The following CAMTA1 variants were observed in gnomAD, a reference collection of about 807,000 sequenced individuals.
CAMTA1 encodes calmodulin binding transcription activator 1.
Under a neutral mutation model 170.9 loss-of-function variants are expected in CAMTA1, and 27 were observed. The observed-to-expected ratio is 0.16, with a 90% CI of 0.12 to 0.22. The LOEUF (loss-of-function observed/expected upper bound fraction) is 0.22. Ranked by LOEUF, CAMTA1 falls within the 10% of genes least tolerant of loss-of-function variation. The probability of loss-of-function intolerance (pLI) is 1.00; values close to 1 mark genes in which losing one functional copy is unlikely to be tolerated. For synonymous variants in CAMTA1, 833 were observed against 891.5 expected, an observed-to-expected ratio of 0.93 and a Z score of 1.17; for missense variants, 1,619 against 2,217.2, an observed-to-expected ratio of 0.73 and a Z score of 5.42.
At position 7,665,687 on chromosome 1, in the gene CAMTA1, T is replaced by C. The variant is rs968965662; in HGVS notation, c.2652+488T>C. 3.3e-5 allele frequency among the ~76,000 whole-genome samples: 5 copies of C among 151,230 alleles called. No homozygotes were observed. The highest frequency in any genetic ancestry group is 9.7e-5 in the African/African-American group (4 of 41,214). On this transcript the variant is annotated intron_variant, in intron 9 of 22. Transcript: ENST00000303635. This position sits in a 1 kb window ranked among gnomAD's most constrained non-coding sequence, Gnocchi z 4.3. ...CTGTGGTTGTACCACTGCACTCCAG[T>C]CCGGATGACAGAGTGAAACCCTGTC...
At chr1:7,153,040 A>G (rs1646666566) in intron 4 of CAMTA1, among the ~76,000 whole-genome samples, 1 of 152,238 alleles carries the variant, frequency 6.6e-6, no homozygotes, top group Non-Finnish European at 1.5e-5. Flanking sequence ...CCTCGAGGTC[A>G]TTTCATAGAC....
chr1:7,400,381 T>C (rs1003392359), intron 5 of CAMTA1, among the ~76,000 whole-genome samples: 4 of 152,212 alleles, frequency 2.6e-5, no homozygotes, highest in Non-Finnish European at 5.9e-5. Flanking sequence ...ATGATTTGTT[T>C]TCCTGATTTC....
Position 7,248,306 on chromosome 1 carries a change from C to T in CAMTA1, c.303-1185C>T, listed in dbSNP as rs973705889. ...ACAGATGGCTGACTTATGGTTTCCT[C>T]GCCTCCGTTGTAGCAGAGCAACATA... On this transcript the variant is annotated intron_variant, in intron 4 of 22. Coordinates refer to ENST00000303635, the MANE Select transcript of CAMTA1 (RefSeq NM_015215.4). This position sits in a 1 kb window ranked among gnomAD's most constrained non-coding sequence, Gnocchi z 4.0. Among the ~76,000 whole-genome samples, 4 of 152,190 alleles carry T rather than the reference C, an allele frequency of 2.6e-5. No individual in the cohort carries two copies. Among genetic ancestry groups the T allele is most frequent in the Admixed American group, 6.5e-5 (1 of 15,280 alleles).
chr1:7,648,877 T>C (rs756043995), intron 7 of CAMTA1, among the ~76,000 whole-genome samples: 19 of 152,128 alleles, frequency 1.2e-4, no homozygotes, highest in Non-Finnish European at 2.4e-4. Flanking sequence ...GGACCATACT[T>C]TTTAAGGAAC....
At chr1:7,089,045 G>C (rs1641125036) in intron 3 of CAMTA1, among the ~76,000 whole-genome samples, 1 of 152,212 alleles carries the variant, frequency 6.6e-6, no homozygotes, top group South Asian at 2.1e-4. Context: ...CAGCAGTGGT[G>C]GCAGCCTCTG....
chr1:7,098,440 G>A (rs1421538950), intron 4 of CAMTA1, among the ~76,000 whole-genome samples: 1 of 152,254 alleles, frequency 6.6e-6, no homozygotes, highest in Non-Finnish European at 1.5e-5. Flanking sequence ...GTTGGCGGGT[G>A]CCACATCTGT....
chr1:7,285,617 G>A (rs1019463765), intron 5 of CAMTA1, among the ~76,000 whole-genome samples: 6 of 152,164 alleles, frequency 3.9e-5, no homozygotes, highest in African/African-American at 1.4e-4. Flanking sequence ...AAAGAGCTGA[G>A]CTATTTTAAA....
At chr1:6,910,479 C>A (rs1264951353) in intron 3 of CAMTA1, among the ~76,000 whole-genome samples, 1 of 152,188 alleles carries the variant, frequency 6.6e-6, no homozygotes, top group Non-Finnish European at 1.5e-5. Flanking sequence ...GTTTTTGCTA[C>A]ATTGGAGGCT....
chr1:7,086,599 C>G (rs1296669834), intron 3 of CAMTA1, among the ~76,000 whole-genome samples: 1 of 152,224 alleles, frequency 6.6e-6, no homozygotes, highest in South Asian at 2.1e-4. Context: ...TTGGCAACCA[C>G]TAATCTCCAT....
At chr1:7,215,044 A>G (rs1464548999) in intron 4 of CAMTA1, among the ~76,000 whole-genome samples, 1 of 152,084 alleles carries the variant, frequency 6.6e-6, no homozygotes, top group East Asian at 1.9e-4. Flanking sequence ...CTTTGCTAAT[A>G]CCACACAGTC....
Position 7,005,650 on chromosome 1 carries a change from A to G in CAMTA1, c.235-85654A>G, listed in dbSNP as rs1258473796. Among the ~76,000 whole-genome samples the G allele has an allele frequency of 2.0e-5, 3 of 152,184 alleles. No individual in the cohort carries two copies. In the East Asian group the frequency reaches 5.8e-4, roughly 29 times the overall value. On this transcript the variant is annotated intron_variant, in intron 3 of 22. Coordinates refer to ENST00000303635, the MANE Select transcript of CAMTA1 (RefSeq NM_015215.4). The stretch of plus-strand genomic sequence containing the variant: ...CAATGACAAAAAGTGGTACACAAGG[A>G]AGTATGGGATACAAAGGGAATACAT...
rs1393218408 is a variant in CAMTA1 at position 6,825,202 on chromosome 1, A to G, written c.226A>G (p.Thr76Ala). The change falls in exon 3 of 23, where the codon ACT (threonine) becomes GCT (alanine). Residue 76 changes from threonine (T) to alanine (A), a missense_variant. This residue lies in a region of CAMTA1 where 97 missense variants were observed against 225.4 expected (regional missense o/e 0.43). Coordinates refer to ENST00000303635, the MANE Select transcript of CAMTA1 (RefSeq NM_015215.4). ...SLPKERHRWN[T>A]NEEIAAYLIT... Reference sequence around the variant, plus strand: ...ACCAAAAGAGAGGCACCGCTGGAACACTAATGAGGTAGATAAGTTTCTTTT... The same window carrying G: ...ACCAAAAGAGAGGCACCGCTGGAACGCTAATGAGGTAGATAAGTTTCTTTT... 2 of 1,573,464 alleles carry G rather than the reference A, an allele frequency of 1.3e-6. No homozygotes were observed. The highest frequency in any genetic ancestry group is 2.7e-5 in the African/African-American group (2 of 73,074).
At chr1:7,181,316 T>A (rs1652108897) in intron 4 of CAMTA1, among the ~76,000 whole-genome samples, 2 of 152,214 alleles carry the variant, frequency 1.3e-5, no homozygotes, top group Admixed American at 1.3e-4. Context: ...GCATTTCCAC[T>A]TAAAGACCAG....
At chr1:7,344,575 T>C (rs1037061065) in intron 5 of CAMTA1, among the ~76,000 whole-genome samples, 1 of 152,150 alleles carries the variant, frequency 6.6e-6, no homozygotes, top group Non-Finnish European at 1.5e-5. Context: ...ATAAGTGATT[T>C]CCAGGGTCTC....
chr1:6,943,838 CTCTG>C (rs1468087393), intron 3 of CAMTA1, among the ~76,000 whole-genome samples: 2 of 120,554 alleles, frequency 1.7e-5, no homozygotes, highest in Non-Finnish European at 3.3e-5. Context: ...CAGAAGGAGA[CTCTG>C]TCTCAAAAAA....
At position 6,900,924 on chromosome 1, in the gene CAMTA1, C is replaced by T. The variant is rs950186610; in HGVS notation, c.234+75714C>T. ...TAATTGCAAGGTTTTTATGGAAATG[C>T]AAAAGATCTAGAAAGACCAAAGCAG... is the stretch of plus-strand genomic sequence containing the variant. On this transcript the variant is annotated intron_variant, in intron 3 of 22. Coordinates refer to ENST00000303635, the MANE Select transcript of CAMTA1 (RefSeq NM_015215.4). 3.9e-4 allele frequency among the ~76,000 whole-genome samples: 59 copies of T among 152,270 alleles called. 1 individual carries two copies. Among genetic ancestry groups the T allele is most frequent in the African/African-American group, 1.4e-3 (59 of 41,566 alleles).
In CAMTA1 at chr1:7,634,967, G is replaced by A. The variant is rs1049173094; in HGVS notation, c.511-5433G>A. On this transcript the variant is annotated intron_variant, in intron 6 of 22. Coordinates refer to ENST00000303635, the MANE Select transcript of CAMTA1 (RefSeq NM_015215.4). This position sits in a 1 kb window ranked among gnomAD's most constrained non-coding sequence, Gnocchi z 6.2. ...ACCAAGAGGGAGGAGGGATCCCCTC[G>A]TCCACGGCTCTTCCAGAAGGCTGTG... 3.9e-5 allele frequency among the ~76,000 whole-genome samples: 6 copies of A among 152,134 alleles called. No homozygotes were observed. The highest frequency in any genetic ancestry group is 3.3e-4 in the Admixed American group (5 of 15,280).
intron 5 of CAMTA1, among the ~76,000 whole-genome samples, chr1:7,270,375 A>C (rs1392996930): frequency 1.4e-5 from 2 of 145,642 alleles, no homozygotes; most frequent in East Asian, 4.1e-4. Context: ...GCTCACTGCA[A>C]CCTCTGCCTC....
chr1:7,529,444 G>A (rs114861150), intron 6 of CAMTA1, among the ~76,000 whole-genome samples: 2,199 of 152,216 alleles, frequency 0.014, 53 homozygotes, highest in African/African-American at 0.049. Context: ...GTACCCGCTC[G>A]CTGAGCCCCC....
Sources: gnomAD v4.1 joint callset for allele counts (sites outside exome capture counted in the v4.1 genomes callset) on GRCh38, gnomAD v4.1.1 for gene constraint, gnomAD v4.1.1 regional missense constraint, Gnocchi (gnomAD v3.1) non-coding constraint, MANE v1.5 for transcripts, NCBI Gene and HGNC (gene_info 2026-07-23, HGNC 2026-07-21) for gene names.